TUBB1: variants seen among roughly 807,000 people sequenced by gnomAD.
The protein encoded by TUBB1 is tubulin beta 1 class VI.
A neutral mutation model predicts 22.6 loss-of-function variants in TUBB1; 28 were observed. The observed-to-expected ratio is 1.24, with a 90% confidence interval of 0.92 to 1.70. The LOEUF (loss-of-function observed/expected upper bound fraction) is 1.70, where lower values mean the gene tolerates loss of function less well. Among genes scored for constraint, TUBB1 ranks in the 40% most tolerant of loss-of-function variants. The probability of loss-of-function intolerance (pLI) is 0.00; values close to 1 mark genes in which losing one functional copy is unlikely to be tolerated. For synonymous variants in TUBB1, 226 were observed against 238.0 expected (o/e 0.95, Z 0.46); for missense variants, 577 against 605.5 (o/e 0.95, Z 0.49).
intron 2 of TUBB1, among the ~76,000 whole-genome samples, chr20:59,023,260 C>T (rs1265428976): frequency 1.4e-5 from 2 of 147,610 alleles, no homozygotes; most frequent in Non-Finnish European, 3.0e-5. Context: ...CTGTCACTGG[C>T]AATATCACAG....
chr20:59,017,774 T>C (rs1489250761), upstream of TUBB1, among the ~76,000 whole-genome samples: 1 of 152,176 alleles, frequency 6.6e-6, no homozygotes, highest in African/African-American at 2.4e-5. Context: ...TCCTGAGAGA[T>C]GGTGTCCTTG....
rs2091988194 is a variant in TUBB1, at chr20:59,025,072, T to TG, written c.*290dup. On this transcript the variant is annotated 3_prime_UTR_variant, in exon 4 of 4. Coordinates refer to ENST00000217133, the MANE Select transcript of TUBB1 (RefSeq NM_030773.4). The stretch of plus-strand genomic sequence containing the variant: ...AGTGCTCCCTTTGTTTCAAAGTGTT[T>TG]GCCAGGCATCCAGACTACACGTGTG... 2.3e-6 allele frequency: 1 copy of TG among 439,494 alleles called. No individual in the cohort carries two copies. The highest frequency in any genetic ancestry group is 2.0e-5 in the African/African-American group (1 of 50,110). 27.2% of individuals were successfully genotyped at this position (439,494 alleles called of 1,614,324 possible).
chr20:59,018,062 CCTGCACCTCGACAG>C (rs1270445938), upstream of TUBB1, among the ~76,000 whole-genome samples: 3 of 152,272 alleles, frequency 2.0e-5, no homozygotes, highest in Non-Finnish European at 4.4e-5. Flanking sequence ...TACCTGCCCA[CCTGCACCTCGACAG>C]CTCAACAGGC....
rs1259806847 is a variant in TUBB1, at chr20:59,024,050, A to G, written c.623A>G (p.Tyr208Cys). 2.5e-6 allele frequency: 4 copies of G among 1,614,194 alleles called. No homozygotes were observed. In the South Asian group the frequency reaches 3.3e-5, roughly 13 times the overall value. Residue 208 changes from tyrosine (Y) to cysteine (C), a missense_variant, in exon 4 of 4, where the codon TAT (tyrosine) becomes TGT (cysteine). By Grantham distance (194) the Tyr-to-Cys change is radical (BLOSUM62 -2). Transcript: ENST00000217133. The surrounding 1 kb of genome is among the most constrained non-coding windows in gnomAD (Gnocchi z 4.9). ...TTCTGCATTGACAATGAGGCCCTCT[A>G]TGACATCTGCTTCCGTACCCTGAAG... ...ACFCIDNEAL[Y>C]DICFRTLKLT...
At chr20:59,020,850 C>T (rs2091963688) in intron 1 of TUBB1, among the ~76,000 whole-genome samples, 1 of 152,174 alleles carries the variant, frequency 6.6e-6, no homozygotes, top group Non-Finnish European at 1.5e-5. Context: ...AATCTCCAAT[C>T]TTGATTTTAA....
chr20:59,020,190 T>A (rs1377646060), intron 1 of TUBB1, among the ~76,000 whole-genome samples: 1 of 152,122 alleles, frequency 6.6e-6, no homozygotes, highest in Admixed American at 6.5e-5. Context: ...TTTTATCATC[T>A]TTTATTTTTT....
At position 59,026,544 on chromosome 20, in the gene TUBB1, C is replaced by T. The variant is rs1445888096; in HGVS notation, c.*1761C>T. The T allele has an allele frequency of 6.6e-6, 1 of 152,184 alleles. No individual in the cohort carries two copies. Among genetic ancestry groups the T allele is most frequent in the Admixed American group, 6.5e-5 (1 of 15,288 alleles). 9.4% of individuals were successfully genotyped at this position (152,184 alleles called of 1,614,324 possible). A position where few individuals can be genotyped will look rare whatever the true frequency, so the allele number is the denominator to read the frequency against. ...AAAAAACTTTTGCTGACTTATATTA[C>T]TGTAAAGATTTGTTTGCTCAATAGT... On this transcript the variant is annotated 3_prime_UTR_variant, in exon 4 of 4. Coordinates refer to ENST00000217133, the MANE Select transcript of TUBB1 (RefSeq NM_030773.4).
In TUBB1 at chr20:59,023,995, C is replaced by T. The variant is rs776925641; in HGVS notation, c.568C>T (p.His190Tyr). 3 of 1,614,180 alleles carry T rather than the reference C, an allele frequency of 1.9e-6. No homozygotes were observed. Among genetic ancestry groups the T allele is most frequent in the Non-Finnish European group, 1.7e-6 (2 of 1,180,026 alleles). The change falls in exon 4 of 4, where the codon CAC becomes TAC. Residue 190 changes from histidine (H) to tyrosine (Y), a missense_variant. Physicochemically the swap from His to Tyr is moderately conservative, Grantham distance 83. Coordinates refer to ENST00000217133, the MANE Select transcript of TUBB1 (RefSeq NM_030773.4). ...VEPYNAVLSI[H>Y]QLIENADACF... The stretch of plus-strand genomic sequence containing the variant: ...GCCCTACAACGCGGTTCTGTCTATC[C>T]ACCAGCTGATTGAGAATGCAGATGC...
At position 59,019,580 on chromosome 20, in the gene TUBB1, G is replaced by T. The variant is rs376073390; in HGVS notation, c.57+1G>T. ...GTGTGGCAACCAGATCGGAGCCAAG[G>T]TAAGTAATGTCTGGTTACTAATCCT... On this transcript the variant is annotated splice_donor_variant, in intron 1 of 3. Coordinates refer to ENST00000217133, the MANE Select transcript of TUBB1 (RefSeq NM_030773.4). LOFTEE classifies it high-confidence loss of function. The T allele has an allele frequency of 1.9e-6, 3 of 1,614,060 alleles. No individual in the cohort carries two copies. In the African/African-American group the frequency reaches 4.0e-5, roughly 22 times the overall value.
chr20:59,018,912 A>G (rs891884106), upstream of TUBB1, among the ~76,000 whole-genome samples: 4 of 152,216 alleles, frequency 2.6e-5, no homozygotes, highest in African/African-American at 4.8e-5. Context: ...CTGCAGAGTA[A>G]CTTGCATACA....
intron 1 of TUBB1, among the ~76,000 whole-genome samples, chr20:59,021,295 A>C (rs927277038): frequency 6.6e-6 from 1 of 152,214 alleles, no homozygotes; most frequent in Non-Finnish European, 1.5e-5. Flanking sequence ...TGGCTGACTC[A>C]TCATTTAGAG....
upstream of TUBB1, chr20:59,019,145 C>T (rs768867152): frequency 2.3e-5 from 7 of 302,642 alleles, no homozygotes; most frequent in Non-Finnish European, 3.9e-5. Context: ...CATCATACCA[C>T]GGTCACTAGG....
In TUBB1 at chr20:59,023,701, A is replaced by G. The variant is rs1445804023; in HGVS notation, c.278-4A>G. On this transcript the variant is annotated splice_polypyrimidine_tract_variant and splice_region_variant and intron_variant, in intron 3 of 3. Coordinates refer to ENST00000217133, the MANE Select transcript of TUBB1 (RefSeq NM_030773.4). ...CCCCTGCTGGTTTCTCTTTTTGGCC[A>G]CAGGTAACTCTGGGGCTGGCAACAA... 6.2e-7 allele frequency: 1 copy of G among 1,614,030 alleles called. No homozygotes were observed. The highest frequency in any genetic ancestry group is 1.7e-5 in the Admixed American group (1 of 60,016).
upstream of TUBB1, among the ~76,000 whole-genome samples, chr20:59,016,881 G>T (rs948428881): frequency 1.5e-4 from 23 of 152,118 alleles, no homozygotes; most frequent in African/African-American, 5.3e-4. Flanking sequence ...CAGGGAGGAG[G>T]GGTGACTGGA....
rs1013846797 is a variant in TUBB1 at position 59,025,663 on chromosome 20, T to C, written c.*880T>C. The C allele has an allele frequency of 1.3e-5, 2 of 152,264 alleles. No homozygotes were observed. The highest frequency in any genetic ancestry group is 4.8e-5 in the African/African-American group (2 of 41,466). The allele number at this position is 152,264 out of a possible 1,614,324, so 9.4% of individuals were successfully genotyped here. A position where few individuals can be genotyped will look rare whatever the true frequency, so the allele number is the denominator to read the frequency against. On this transcript the variant is annotated 3_prime_UTR_variant, in exon 4 of 4. Coordinates refer to ENST00000217133, the MANE Select transcript of TUBB1 (RefSeq NM_030773.4). ...TCACCCCCCAAAATGCTCTGCAGCC[T>C]CTCTGCTCTTTGAGAAAGGGCACAC...
At chr20:59,022,736 G>C in intron 1 of TUBB1, 109 bp from the exon 2 acceptor site, 1 of 930,740 alleles carries the variant, frequency 1.1e-6, no homozygotes, top group Non-Finnish European at 1.7e-6. Context: ...GAATGTCTTG[G>C]GGAGGGTCAG....
intron 2 of TUBB1, 129 bp from the exon 3 acceptor site, chr20:59,023,361 G>C: frequency 1.2e-6 from 1 of 812,282 alleles, no homozygotes; most frequent in Non-Finnish European, 2.1e-6. Flanking sequence ...CTCAAATCTC[G>C]ACCTACCAAG....
rs373987080 is a variant in TUBB1, at chr20:59,024,288, C to T, written c.861C>T (p.Ala287=). 43 of 1,613,990 alleles carry T rather than the reference C, an allele frequency of 2.7e-5. No homozygotes were observed. The highest frequency in any genetic ancestry group is 3.3e-5 in the South Asian group (3 of 91,084). Residue 287 remains alanine (A), a synonymous_variant, in exon 4 of 4, where the codon GCC becomes GCT. Transcript: ENST00000217133. The surrounding 1 kb of genome is among the most constrained non-coding windows in gnomAD (Gnocchi z 4.9). ...GSQQYRALSV[A]ELTQQMFDAR... ...AGCAGTACCGAGCCCTCTCCGTGGC[C>T]GAGCTCACCCAGCAGATGTTCGATG...
At chr20:59,023,655 C>T (rs2091978562) in intron 3 of TUBB1, 50 bp from the exon 4 acceptor site, 3 of 1,613,172 alleles carry the variant, frequency 1.9e-6, no homozygotes, top group Middle Eastern at 3.3e-4. Context: ...TTACTGGTGC[C>T]CTTCTCTTTT....
Sources: gnomAD v4.1 joint callset for allele counts (sites outside exome capture counted in the v4.1 genomes callset) on GRCh38, gnomAD v4.1.1 for gene constraint, Gnocchi (gnomAD v3.1) non-coding constraint, MANE v1.5 for transcripts, NCBI Gene and HGNC (gene_info 2026-07-23, HGNC 2026-07-21) for gene names.